Variants in MTMR2 observed in about 807,000 individuals in gnomAD.
MTMR2 encodes the protein myotubularin related protein 2, also known as phosphatidylinositol-3,5-bisphosphate 3-phosphatase MTMR2.
A neutral mutation model predicts 86.9 loss-of-function variants in MTMR2; 55 were observed. The observed-to-expected ratio is 0.63, with a 90% CI of 0.51 to 0.79. The LOEUF is 0.79. MTMR2 is among the 30% of genes least tolerant of loss of function. The probability of loss-of-function intolerance (pLI) is 0.00; values close to 1 mark genes in which losing one functional copy is unlikely to be tolerated. For synonymous variants in MTMR2, 241 were observed against 266.8 expected, an observed-to-expected ratio of 0.90 and a Z score of 0.94; for missense variants, 659 against 772.3, an observed-to-expected ratio of 0.85 and a Z score of 1.74.
At position 95,888,147 on chromosome 11, in the gene MTMR2, T is replaced by C. The variant is rs371081575; in HGVS notation, c.186+9A>G. 71 of 1,567,860 alleles carry C rather than the reference T, an allele frequency of 4.5e-5. No homozygotes were observed. Among genetic ancestry groups the C allele is most frequent in the Admixed American group, 6.7e-5 (4 of 59,746 alleles). On this transcript the variant is annotated intron_variant, in intron 2 of 14. Transcript: ENST00000346299. ...GTACTTCATCAGAACTTTAAAATAG[T>C]ATACATACCCTCAAATCAGGAGAAA...
Position 95,847,865 on chromosome 11 carries a change from T to C in MTMR2, c.1028A>G (p.Tyr343Cys), listed in dbSNP as rs1863858133. Residue 343 changes from tyrosine to cysteine, a missense_variant, in exon 10 of 15, where the codon TAT becomes TGT. By Grantham distance (194) the Tyr-to-Cys change is radical (BLOSUM62 -2). Coordinates refer to ENST00000346299, the MANE Select transcript of MTMR2 (RefSeq NM_016156.6). ...CAGGAAAACTAGTTCAGCATTTTGATAGGCATCTTCACTTTCATAACCTCC... is the reference window on the plus strand; with the variant it reads ...CAGGAAAACTAGTTCAGCATTTTGACAGGCATCTTCACTTTCATAACCTCC... ...KGGGYESEDA[Y>C]QNAELVFLDI... 1 of 1,613,668 alleles carries C rather than the reference T, an allele frequency of 6.2e-7. No individual in the cohort carries two copies. Among genetic ancestry groups the C allele is most frequent in the Admixed American group, 1.7e-5 (1 of 59,988 alleles).
intron 1 of MTMR2, among the ~76,000 whole-genome samples, chr11:95,891,952 G>A (rs1463802337): frequency 6.6e-6 from 1 of 152,138 alleles, no homozygotes; most frequent in Admixed American, 6.5e-5. Context: ...AAAACTTCTG[G>A]TATAAACGTA....
intron 1 of MTMR2, among the ~76,000 whole-genome samples, chr11:95,892,349 A>G (rs558111879): frequency 6.6e-6 from 1 of 152,328 alleles, no homozygotes; most frequent in African/African-American, 2.4e-5. Context: ...GAGTGTTCCA[A>G]GAAGGTCTTC....
At chr11:95,898,781 G>A (rs746672662) in intron 1 of MTMR2, among the ~76,000 whole-genome samples, 1 of 152,064 alleles carries the variant, frequency 6.6e-6, no homozygotes, top group African/African-American at 2.4e-5. Flanking sequence ...TTAGAGGCTC[G>A]AGAAAGGCTT....
intron 2 of MTMR2, among the ~76,000 whole-genome samples, chr11:95,873,784 G>C (rs886317526): frequency 6.6e-6 from 1 of 151,966 alleles, no homozygotes; most frequent in Non-Finnish European, 1.5e-5. Context: ...CAGAGATTCT[G>C]GTATGTTGTG....
At chr11:95,862,411 T>C in intron 3 of MTMR2, 45 bp from the exon 4 acceptor site, 1 of 1,371,602 alleles carries the variant, frequency 7.3e-7, no homozygotes. Flanking sequence ...TTATGTGCTA[T>C]TAAAACCTGC....
At chr11:95,844,700 A>C (rs1273958188) in intron 11 of MTMR2, among the ~76,000 whole-genome samples, 1 of 152,162 alleles carries the variant, frequency 6.6e-6, no homozygotes, top group Non-Finnish European at 1.5e-5. Context: ...CGTGGACATC[A>C]CTGAATGATA....
chr11:95,849,246 G>A (rs533085069), intron 9 of MTMR2, among the ~76,000 whole-genome samples: 2 of 151,956 alleles, frequency 1.3e-5, no homozygotes, highest in East Asian at 1.9e-4. Flanking sequence ...GGTGGAGGAC[G>A]GTCAGAAGAG....
intron 1 of MTMR2, among the ~76,000 whole-genome samples, chr11:95,921,999 T>C (rs1419420791): frequency 6.6e-6 from 1 of 152,198 alleles, no homozygotes; most frequent in Non-Finnish European, 1.5e-5. Flanking sequence ...ACTTATTTCG[T>C]GTAATTGCAA....
At chr11:95,899,686 T>A (rs924373657) in intron 1 of MTMR2, among the ~76,000 whole-genome samples, 3 of 150,098 alleles carry the variant, frequency 2.0e-5, no homozygotes, top group Non-Finnish European at 4.4e-5. Flanking sequence ...TAAATATGAC[T>A]GGGAAAAGCT....
At chr11:95,849,570 A>G in intron 9 of MTMR2, 104 bp downstream of exon 9, 1 of 1,032,970 alleles carries the variant, frequency 9.7e-7, no homozygotes, top group Admixed American at 1.7e-5. Flanking sequence ...AAGAACCTAT[A>G]TGTTTACCAC....
intron 9 of MTMR2, 28 bp downstream of exon 9, chr11:95,849,646 A>C: frequency 6.3e-7 from 1 of 1,583,016 alleles, no homozygotes; most frequent in Non-Finnish European, 8.7e-7. Context: ...ATGAAACCAT[A>C]ATTATAATTA....
chr11:95,922,623 T>C (rs1866970784), intron 1 of MTMR2, among the ~76,000 whole-genome samples: 1 of 151,510 alleles, frequency 6.6e-6, no homozygotes, highest in South Asian at 2.1e-4. Context: ...GTGCTGGAGA[T>C]ATGAAGATGA....
intron 14 of MTMR2, 124 bp downstream of exon 14, chr11:95,836,024 T>C: frequency 1.0e-6 from 1 of 977,290 alleles, no homozygotes; most frequent in African/African-American, 1.6e-5. Flanking sequence ...TATACGATTG[T>C]TAACTATCAA....
chr11:95,847,597 C>T (rs1863844321), intron 10 of MTMR2, 117 bp downstream of exon 10: 3 of 925,900 alleles, frequency 3.2e-6, no homozygotes, highest in East Asian at 4.9e-5. Context: ...AAAGCATTTA[C>T]CCATTTTTCA....
chr11:95,859,632 C>A (rs753088338), intron 5 of MTMR2, among the ~76,000 whole-genome samples: 1 of 152,028 alleles, frequency 6.6e-6, no homozygotes, highest in Non-Finnish European at 1.5e-5. Flanking sequence ...CAAGGCCAGC[C>A]TGGGCAACAT....
At chr11:95,868,114 A>C (rs888524195) in intron 2 of MTMR2, among the ~76,000 whole-genome samples, 2 of 151,780 alleles carry the variant, frequency 1.3e-5, no homozygotes. Flanking sequence ...ATAAATGCAA[A>C]AAATCAGCTG....
At chr11:95,921,320 A>G (rs1309700541) in intron 1 of MTMR2, among the ~76,000 whole-genome samples, 1 of 152,250 alleles carries the variant, frequency 6.6e-6, no homozygotes. Flanking sequence ...CAGTTTCCCA[A>G]TTAGGCCTCT....
chr11:95,919,242 A>AG (rs1565392238), intron 1 of MTMR2, among the ~76,000 whole-genome samples: 2 of 152,212 alleles, frequency 1.3e-5, no homozygotes. Flanking sequence ...TCTTCAGGCT[A>AG]TAAGTATAAT....
Sources: gnomAD v4.1 joint callset for allele counts (sites outside exome capture counted in the v4.1 genomes callset) on GRCh38, gnomAD v4.1.1 for gene constraint, MANE v1.5 for transcripts, NCBI Gene and HGNC (gene_info 2026-07-23, HGNC 2026-07-21) for gene names.